Variants in TBC1D22A observed in about 807,000 individuals in gnomAD.
TBC1D22A encodes putative GTPase activator.
TBC1D22A carries 38 observed loss-of-function variants against 60.2 expected under a neutral mutation model. That is an observed-to-expected ratio of 0.63 (90% CI 0.49 to 0.83). The LOEUF is 0.83. TBC1D22A is among the 40% of genes least tolerant of loss of function. TBC1D22A has a pLI of 0.00. For synonymous variants in TBC1D22A, 302 were observed against 281.7 expected (o/e 1.07, Z -0.72); for missense variants, 628 against 701.0 (o/e 0.90, Z 1.18).
intron 6 of TBC1D22A, 99 bp from the exon 7 acceptor site, chr22:46,894,685 C>A: frequency 7.1e-7 from 1 of 1,411,522 alleles, no homozygotes; most frequent in Non-Finnish European, 1.0e-6. Context: ...GGGTAGAGGC[C>A]GGGGAAGGAC....
At chr22:46,814,069 A>G (rs1347342344) in intron 4 of TBC1D22A, among the ~76,000 whole-genome samples, 1 of 152,226 alleles carries the variant, frequency 6.6e-6, no homozygotes, top group Non-Finnish European at 1.5e-5. Flanking sequence ...CTTCACCCAC[A>G]GGCTGGCGTG....
At chr22:47,014,490 C>G (rs2061847956) in intron 10 of TBC1D22A, among the ~76,000 whole-genome samples, 1 of 152,208 alleles carries the variant, frequency 6.6e-6, no homozygotes, top group African/African-American at 2.4e-5. Context: ...GCAGCCATGT[C>G]AGGGCCCGGG....
chr22:46,818,608 C>G (rs1459149193), intron 4 of TBC1D22A, among the ~76,000 whole-genome samples: 6 of 152,132 alleles, frequency 3.9e-5, no homozygotes, highest in Non-Finnish European at 8.8e-5. Context: ...CTCCATTGGT[C>G]TATATGTCTG....
intron 4 of TBC1D22A, among the ~76,000 whole-genome samples, chr22:46,844,664 T>C (rs1172414405): frequency 6.6e-6 from 1 of 152,216 alleles, no homozygotes; most frequent in South Asian, 2.1e-4. Flanking sequence ...TGGGCTGAGC[T>C]GGATGCTTCC....
chr22:47,051,934 A>G (rs1231441458), intron 11 of TBC1D22A, among the ~76,000 whole-genome samples: 1 of 152,242 alleles, frequency 6.6e-6, no homozygotes, highest in African/African-American at 2.4e-5. Flanking sequence ...GAACAGAAGC[A>G]GAGTGCATTG....
chr22:47,086,139 A>G (rs1248612093), intron 11 of TBC1D22A, among the ~76,000 whole-genome samples: 3 of 152,206 alleles, frequency 2.0e-5, no homozygotes, highest in African/African-American at 7.2e-5. Flanking sequence ...TGTGGCTCCC[A>G]TGTGTACCAT....
rs527385813 is a variant in TBC1D22A at position 46,956,259 on chromosome 22, C to G, written c.1016-18031C>G. Reference sequence around the variant, plus strand: ...ATAAAGTGAGGCCATTAGGGTGTGCCCTAACCCCATGGAACTGATGTCCTA... The same window carrying G: ...ATAAAGTGAGGCCATTAGGGTGTGCGCTAACCCCATGGAACTGATGTCCTA... On this transcript the variant is annotated intron_variant, in intron 8 of 12. Coordinates refer to ENST00000337137, the MANE Select transcript of TBC1D22A (RefSeq NM_014346.5). 6.6e-5 allele frequency among the ~76,000 whole-genome samples: 10 copies of G among 152,086 alleles called. No homozygotes were observed. The East Asian group carries it at 1.9e-3, about 29-fold the overall frequency.
At chr22:46,933,287 A>G (rs201569252) in intron 8 of TBC1D22A, among the ~76,000 whole-genome samples, 2 of 152,210 alleles carry the variant, frequency 1.3e-5, no homozygotes, top group East Asian at 3.9e-4. Flanking sequence ...AGCAGAGGGC[A>G]GAGGACAGTC....
intron 10 of TBC1D22A, among the ~76,000 whole-genome samples, chr22:47,011,213 G>A (rs1379156984): frequency 1.3e-5 from 2 of 152,110 alleles, no homozygotes; most frequent in Non-Finnish European, 2.9e-5. Flanking sequence ...CTACCTACTT[G>A]GGCAGCCTTG....
intron 11 of TBC1D22A, among the ~76,000 whole-genome samples, chr22:47,090,744 G>C (rs370037205): frequency 4.0e-5 from 6 of 150,746 alleles, no homozygotes; most frequent in African/African-American, 1.2e-4. Flanking sequence ...CGCAGAGGGG[G>C]TGGCTGCTTG....
At chr22:47,040,736 G>C (rs1023315437) in intron 11 of TBC1D22A, among the ~76,000 whole-genome samples, 1 of 152,132 alleles carries the variant, frequency 6.6e-6, no homozygotes, top group African/African-American at 2.4e-5. Context: ...GCTGGGGTAG[G>C]CCGTGGAATG....
At chr22:47,151,236 C>G (rs1049846452) in intron 12 of TBC1D22A, among the ~76,000 whole-genome samples, 1 of 152,156 alleles carries the variant, frequency 6.6e-6, no homozygotes, top group African/African-American at 2.4e-5. Context: ...GTGTGGGGTT[C>G]TGTGTGACAC....
intron 9 of TBC1D22A, among the ~76,000 whole-genome samples, chr22:46,994,739 A>G (rs1311207018): frequency 6.6e-6 from 1 of 152,176 alleles, no homozygotes; most frequent in Non-Finnish European, 1.5e-5. Flanking sequence ...ATATTGTTCA[A>G]CCGGGCTCAT....
intron 2 of TBC1D22A, 129 bp downstream of exon 2, chr22:46,792,705 A>G: frequency 6.3e-7 from 1 of 1,589,180 alleles, no homozygotes; most frequent in Non-Finnish European, 8.6e-7. Context: ...TCATTCAGCC[A>G]CACTGATCAA....
intron 12 of TBC1D22A, among the ~76,000 whole-genome samples, chr22:47,140,499 C>G (rs1411585553): frequency 6.7e-6 from 1 of 149,052 alleles, no homozygotes; most frequent in African/African-American, 2.5e-5. Flanking sequence ...GCAGAACTTG[C>G]ATTGAGATCG....
chr22:46,890,895 T>A (rs1341674944), intron 5 of TBC1D22A, among the ~76,000 whole-genome samples: 2 of 152,204 alleles, frequency 1.3e-5, no homozygotes, highest in Non-Finnish European at 2.9e-5. Context: ...TGGAATCCTG[T>A]CTGGTATATG....
At chr22:46,963,392 G>A (rs1423097444) in intron 8 of TBC1D22A, among the ~76,000 whole-genome samples, 2 of 152,200 alleles carry the variant, frequency 1.3e-5, no homozygotes, top group Non-Finnish European at 2.9e-5. Context: ...GGCTGGAAAG[G>A]CCCAGGGAGC....
At chr22:47,032,537 G>T (rs776863013) in intron 10 of TBC1D22A, among the ~76,000 whole-genome samples, 29 of 152,300 alleles carry the variant, frequency 1.9e-4, no homozygotes, top group Middle Eastern at 6.8e-3. Flanking sequence ...AGAACACCCA[G>T]GCTCTGTAGC....
chr22:47,156,479 C>T (rs1168317771), intron 12 of TBC1D22A, among the ~76,000 whole-genome samples: 2 of 152,166 alleles, frequency 1.3e-5, no homozygotes, highest in East Asian at 1.9e-4. Context: ...TCTCCTCCCT[C>T]GGACATGGTG....
Sources: gnomAD v4.1 joint callset for allele counts (sites outside exome capture counted in the v4.1 genomes callset) on GRCh38, gnomAD v4.1.1 for gene constraint, MANE v1.5 for transcripts, NCBI Gene and HGNC (gene_info 2026-07-23, HGNC 2026-07-21) for gene names.